The following NEK1 variants were observed in gnomAD, a reference collection of about 807,000 sequenced individuals.
NEK1 encodes NIMA related kinase 1.
A neutral mutation model predicts 182.1 loss-of-function variants in NEK1; 137 were observed. That is an observed-to-expected ratio of 0.75 (90% CI 0.65 to 0.87). The LOEUF (loss-of-function observed/expected upper bound fraction) is 0.87. Ranked by LOEUF, NEK1 falls within the 40% of genes least tolerant of loss-of-function variation. The pLI, the probability that NEK1 is intolerant of heterozygous loss-of-function variation, is 0.00. For missense variants in NEK1, 1,391 were observed against 1,494.4 expected, an observed-to-expected ratio of 0.93 and a Z score of 1.14; for synonymous variants, 513 against 492.2, an observed-to-expected ratio of 1.04 and a Z score of -0.56.
intron 19 of NEK1, among the ~76,000 whole-genome samples, chr4:169,521,512 G>C (rs902823653): frequency 6.6e-6 from 1 of 152,020 alleles, no homozygotes. Context: ...GTTCCTATTC[G>C]GCCATCTTGG....
chr4:169,431,522 A>T (rs1737428101), intron 29 of NEK1, among the ~76,000 whole-genome samples: 1 of 28,930 alleles, frequency 3.5e-5, no homozygotes, highest in Non-Finnish European at 6.8e-5. Context: ...TACTGTAGAC[A>T]GACTAATAGG....
At chr4:169,490,423 G>A (rs138625283) in intron 23 of NEK1, among the ~76,000 whole-genome samples, 71 of 152,140 alleles carry the variant, frequency 4.7e-4, no homozygotes, top group African/African-American at 1.7e-3. Flanking sequence ...CAAGAAACAT[G>A]AAAAAGCAGG....
intron 18 of NEK1, among the ~76,000 whole-genome samples, chr4:169,552,556 A>G (rs1761586233): frequency 1.3e-5 from 2 of 152,152 alleles, no homozygotes; most frequent in Admixed American, 1.3e-4. Context: ...CCTTCTCAAC[A>G]TTACTTTTCA....
chr4:169,527,248 T>C (rs900813212), intron 19 of NEK1, among the ~76,000 whole-genome samples: 2 of 152,094 alleles, frequency 1.3e-5, no homozygotes, highest in Admixed American at 6.5e-5. Context: ...GAAGATGAAA[T>C]AGACATTCTC....
intron 27 of NEK1, among the ~76,000 whole-genome samples, chr4:169,460,912 G>T (rs567955838): frequency 1.2e-4 from 19 of 152,166 alleles, no homozygotes; most frequent in Non-Finnish European, 2.4e-4. Flanking sequence ...TGAGTGTAGT[G>T]TTCACACAAG....
chr4:169,537,720 T>G (rs1194733525), intron 19 of NEK1, 89 bp downstream of exon 19: 1 of 962,924 alleles, frequency 1.0e-6, no homozygotes, highest in African/African-American at 1.6e-5. Context: ...TGTTAGACTG[T>G]CATTCTTTTT....
chr4:169,603,504 A>G (rs1423732060), intron 2 of NEK1, among the ~76,000 whole-genome samples: 1 of 152,232 alleles, frequency 6.6e-6, no homozygotes, highest in Non-Finnish European at 1.5e-5. Flanking sequence ...GTGAATAACC[A>G]TAGTACATAT....
chr4:169,428,213 A>G (rs917137949), intron 29 of NEK1, among the ~76,000 whole-genome samples: 1 of 151,808 alleles, frequency 6.6e-6, no homozygotes, highest in Non-Finnish European at 1.5e-5. Context: ...TTCCACTCCA[A>G]GGTATATACC....
chr4:169,531,415 G>A (rs940489282), intron 19 of NEK1, among the ~76,000 whole-genome samples: 3 of 151,604 alleles, frequency 2.0e-5, no homozygotes, highest in East Asian at 1.9e-4. Flanking sequence ...AACTACAGAC[G>A]TATGCAGAGT....
At chr4:169,416,106 G>A (rs186142466) in intron 31 of NEK1, among the ~76,000 whole-genome samples, 24 of 152,262 alleles carry the variant, frequency 1.6e-4, no homozygotes, top group African/African-American at 5.8e-4. Context: ...ATCTGCTTAA[G>A]GACAAGAATG....
rs375539762 is a variant in NEK1, at chr4:169,467,702, T to G, written c.2435-4307A>C. ...AAATTGAGGAGCATCTGGATTTAAA[T>G]CCAATCACATTAATAATCACATTAA... is the stretch of plus-strand genomic sequence containing the variant. On this transcript the variant is annotated intron_variant, in intron 26 of 35. Coordinates refer to ENST00000507142, the MANE Select transcript of NEK1 (RefSeq NM_001199397.3). Among the ~76,000 whole-genome samples, 31 of 152,004 alleles carry G rather than the reference T, an allele frequency of 2.0e-4. 1 individual carries two copies. In the South Asian group the frequency reaches 6.4e-3, roughly 32 times the overall value.
chr4:169,504,610 G>T (rs1037377791), intron 23 of NEK1, among the ~76,000 whole-genome samples: 1 of 152,146 alleles, frequency 6.6e-6, no homozygotes, highest in Non-Finnish European at 1.5e-5. Context: ...GTTCTATTAC[G>T]TTAGGTGAAA....
At chr4:169,544,976 C>G (rs967702452) in intron 18 of NEK1, among the ~76,000 whole-genome samples, 98 of 149,464 alleles carry the variant, frequency 6.6e-4, no homozygotes, top group Admixed American at 1.0e-3. Context: ...GTGTCTCTAT[C>G]TCCTTCAGTT....
chr4:169,494,049 C>T (rs1257317990), intron 23 of NEK1, among the ~76,000 whole-genome samples: 1 of 151,494 alleles, frequency 6.6e-6, no homozygotes, highest in Admixed American at 6.6e-5. Context: ...AGAAAAGAAC[C>T]AAATTGCCTC....
chr4:169,485,888 A>G, intron 23 of NEK1, among the ~76,000 whole-genome samples: 1 of 152,036 alleles, frequency 6.6e-6, no homozygotes. Context: ...TGTACAACAA[A>G]TAAGAACATT....
At chr4:169,397,616 C>T (rs1049602811) in intron 35 of NEK1, among the ~76,000 whole-genome samples, 2 of 152,094 alleles carry the variant, frequency 1.3e-5, no homozygotes, top group Non-Finnish European at 2.9e-5. Flanking sequence ...CTTTATGATA[C>T]AGAACTCTGG....
At chr4:169,560,568 C>T (rs1017778105) in intron 16 of NEK1, among the ~76,000 whole-genome samples, 8 of 152,114 alleles carry the variant, frequency 5.3e-5, no homozygotes, top group Non-Finnish European at 7.4e-5. Context: ...ACCACTTATA[C>T]TCAAGGGAAT....
chr4:169,474,158 A>G (rs1201721767), intron 26 of NEK1, among the ~76,000 whole-genome samples: 1 of 152,176 alleles, frequency 6.6e-6, no homozygotes, highest in African/African-American at 2.4e-5. Flanking sequence ...AGAGCTTGGC[A>G]TGTTTTAAGA....
chr4:169,598,876 T>C (rs1770011745), intron 5 of NEK1, among the ~76,000 whole-genome samples: 1 of 152,172 alleles, frequency 6.6e-6, no homozygotes, highest in South Asian at 2.1e-4. Flanking sequence ...ATATATAACA[T>C]ACATCACAGA....
Sources: gnomAD v4.1 joint callset for allele counts (sites outside exome capture counted in the v4.1 genomes callset) on GRCh38, gnomAD v4.1.1 for gene constraint, MANE v1.5 for transcripts, NCBI Gene and HGNC (gene_info 2026-07-23, HGNC 2026-07-21) for gene names.